GSE1: variants seen among roughly 807,000 people sequenced by gnomAD.
GSE1 encodes the protein Gse1 coiled-coil protein.
A neutral mutation model predicts 112.6 loss-of-function variants in GSE1; 32 were observed. The observed-to-expected ratio is 0.28, with a 90% CI of 0.21 to 0.38. GSE1 has a LOEUF of 0.38. Ranked by LOEUF, GSE1 falls within the 10% of genes least tolerant of loss-of-function variation. The pLI is 1.00. For synonymous variants in GSE1, 1,115 were observed against 735.6 expected, an observed-to-expected ratio of 1.52 and a Z score of -8.35; for missense variants, 2,348 against 1,699.2, an observed-to-expected ratio of 1.38 and a Z score of -6.71.
At chr16:85,493,849 G>A (rs373555510) in intron 2 of GSE1, among the ~76,000 whole-genome samples, 1 of 150,244 alleles carries the variant, frequency 6.7e-6, no homozygotes, top group East Asian at 2.0e-4. Flanking sequence ...CCAGCTACTT[G>A]GGAGCTCCTC....
intron 2 of GSE1, among the ~76,000 whole-genome samples, chr16:85,452,184 C>T (rs2049705684): frequency 6.6e-6 from 1 of 152,226 alleles, no homozygotes; most frequent in African/African-American, 2.4e-5. Context: ...TGCATCGGGG[C>T]CCCGCAATTA....
At chr16:85,641,289 C>T (rs894475342) in intron 2 of GSE1, among the ~76,000 whole-genome samples, 4 of 152,364 alleles carry the variant, frequency 2.6e-5, no homozygotes, top group South Asian at 2.1e-4. Flanking sequence ...TCTAAGCTCA[C>T]GCTGTTCAGC....
chr16:85,382,478 A>G (rs952110740), intron 2 of GSE1, among the ~76,000 whole-genome samples: 2 of 152,166 alleles, frequency 1.3e-5, no homozygotes, highest in Non-Finnish European at 2.9e-5. Context: ...TCCCAGTCAC[A>G]CAGCTGGGAG....
At chr16:85,394,741 C>T (rs1314436058) in intron 2 of GSE1, among the ~76,000 whole-genome samples, 3 of 152,190 alleles carry the variant, frequency 2.0e-5, no homozygotes, top group Non-Finnish European at 4.4e-5. Flanking sequence ...CCCCCGAGAA[C>T]ATCTCTTTTT....
At chr16:85,497,464 C>G (rs541149884) in intron 2 of GSE1, among the ~76,000 whole-genome samples, 1 of 152,306 alleles carries the variant, frequency 6.6e-6, no homozygotes, top group East Asian at 1.9e-4. Context: ...AGGTCGTGTG[C>G]GTGAATTCTT....
chr16:85,564,235 G>A (rs34558059), intron 1 of GSE1, among the ~76,000 whole-genome samples: 3 of 152,198 alleles, frequency 2.0e-5, no homozygotes, highest in Non-Finnish European at 2.9e-5. Context: ...ATGGAGCTTC[G>A]AGGTGAGTGA....
intron 2 of GSE1, among the ~76,000 whole-genome samples, chr16:85,438,216 TGA>T (rs2049297914): frequency 6.6e-6 from 1 of 152,106 alleles, no homozygotes; most frequent in Non-Finnish European, 1.5e-5. Flanking sequence ...GTGTGTGGAA[TGA>T]GAGAGTGAAT....
At chr16:85,378,997 C>T (rs972603549) in intron 2 of GSE1, among the ~76,000 whole-genome samples, 1 of 152,212 alleles carries the variant, frequency 6.6e-6, no homozygotes, top group Non-Finnish European at 1.5e-5. Context: ...GTCTCACTGG[C>T]CAGACAGCCT....
intron 2 of GSE1, among the ~76,000 whole-genome samples, chr16:85,476,715 C>T (rs2050466352): frequency 6.6e-6 from 1 of 151,582 alleles, no homozygotes; most frequent in Non-Finnish European, 1.5e-5. Flanking sequence ...CTCAGTCGAT[C>T]TTCCCACCGC....
intron 13 of GSE1, chr16:85,666,668 C>G: frequency 3.1e-6 from 1 of 327,094 alleles, no homozygotes; most frequent in Non-Finnish European, 5.7e-6. Flanking sequence ...AAAAGATTCC[C>G]CAAAGGCAGG....
At chr16:85,173,075 CCT>C (rs1010325519) in intron 1 of GSE1, among the ~76,000 whole-genome samples, 7 of 152,200 alleles carry the variant, frequency 4.6e-5, no homozygotes, top group African/African-American at 1.2e-4. Context: ...CTGAAGCTCT[CCT>C]CTTCGGCATA....
At chr16:85,485,456 G>A (rs954458465) in intron 2 of GSE1, among the ~76,000 whole-genome samples, 3 of 152,218 alleles carry the variant, frequency 2.0e-5, no homozygotes, top group East Asian at 1.9e-4. Context: ...GTTCCTGGGC[G>A]GCAAAGGAGG....
intron 2 of GSE1, among the ~76,000 whole-genome samples, chr16:85,447,511 G>A (rs1335490309): frequency 1.3e-5 from 2 of 152,208 alleles, no homozygotes; most frequent in Non-Finnish European, 2.9e-5. Flanking sequence ...GTTGGCTACG[G>A]AGCTGGCTCA....
At chr16:85,592,831 T>C (rs543525222) in intron 1 of GSE1, 2 of 152,562 alleles carry the variant, frequency 1.3e-5, no homozygotes, top group South Asian at 4.1e-4. Flanking sequence ...TGCAGACCTT[T>C]TGGAAGGCTT....
chr16:85,493,953 G>T (rs1173522591), intron 2 of GSE1, among the ~76,000 whole-genome samples: 2 of 151,958 alleles, frequency 1.3e-5, no homozygotes, highest in African/African-American at 2.4e-5. Context: ...CATGGTAGTG[G>T]TTGCCTGTAG....
intron 1 of GSE1, among the ~76,000 whole-genome samples, chr16:85,352,146 G>A (rs138561707): frequency 1.8e-3 from 268 of 152,262 alleles, no homozygotes; most frequent in African/African-American, 6.0e-3. Flanking sequence ...GGGATGTGGC[G>A]TCTGTCTTCC....
intron 3 of GSE1, among the ~76,000 whole-genome samples, chr16:85,653,365 TC>T (rs2051603062): frequency 7.8e-6 from 1 of 128,914 alleles, no homozygotes. Flanking sequence ...CAAGGCCTTT[TC>T]ATGCTCTGGT....
chr16:85,487,825 G>T (rs1012650562), intron 2 of GSE1, among the ~76,000 whole-genome samples: 1 of 152,210 alleles, frequency 6.6e-6, no homozygotes, highest in Non-Finnish European at 1.5e-5. Context: ...GACCTTGCAC[G>T]GTTAACGTGC....
At chr16:85,649,329 C>T (rs950953546) in intron 3 of GSE1, among the ~76,000 whole-genome samples, 11 of 152,200 alleles carry the variant, frequency 7.2e-5, no homozygotes, top group African/African-American at 1.4e-4. Context: ...GGTGTTTGCA[C>T]GCTGAGCACC....
Sources: allele counts gnomAD v4.1 joint callset (sites outside exome capture counted in the v4.1 genomes callset), GRCh38; gene constraint gnomAD v4.1.1; transcripts MANE v1.5; gene names NCBI Gene and HGNC (gene_info 2026-07-23, HGNC 2026-07-21).